Variants in RORA observed in about 807,000 individuals in gnomAD.
RORA encodes the protein nuclear receptor ROR-alpha.
In RORA, 7 loss-of-function variants were observed where a neutral mutation model predicts 69.5. That is an observed-to-expected ratio of 0.10 (90% CI 0.06 to 0.19). The LOEUF (loss-of-function observed/expected upper bound fraction) is 0.19, where lower values mean the gene tolerates loss of function less well. Ranked by LOEUF, RORA falls within the 10% of genes least tolerant of loss-of-function variation. RORA has a pLI of 1.00. For synonymous variants in RORA, 261 were observed against 240.8 expected, an observed-to-expected ratio of 1.08 and a Z score of -0.78; for missense variants, 457 against 663.0, an observed-to-expected ratio of 0.69 and a Z score of 3.41.
At chr15:60,659,128 T>C (rs79443567) in intron 2 of RORA, among the ~76,000 whole-genome samples, 163 of 152,268 alleles carry the variant, frequency 1.1e-3, no homozygotes, top group African/African-American at 3.8e-3. Flanking sequence ...AAAAGATAAT[T>C]TGGGGCCACA....
chr15:61,207,375 T>C (rs752580637), intron 1 of RORA, among the ~76,000 whole-genome samples: 8 of 152,200 alleles, frequency 5.3e-5, no homozygotes, highest in Admixed American at 6.5e-5. Flanking sequence ...ATTAACCACA[T>C]TTCCAGAGCT....
intron 1 of RORA, among the ~76,000 whole-genome samples, chr15:61,137,910 T>A (rs2079260478): frequency 6.6e-6 from 1 of 152,152 alleles, no homozygotes; most frequent in African/African-American, 2.4e-5. Context: ...GTAACAATCT[T>A]GAAAGAGAAA....
chr15:61,090,316 GT>G (rs2078686903), intron 1 of RORA, among the ~76,000 whole-genome samples: 1 of 152,146 alleles, frequency 6.6e-6, no homozygotes, highest in Non-Finnish European at 1.5e-5. Flanking sequence ...CCAGTTCTCA[GT>G]TTTATGATTC....
intron 3 of RORA, among the ~76,000 whole-genome samples, chr15:60,515,991 T>A (rs1488629659): frequency 0.045 from 367 of 8,104 alleles, 29 homozygotes; most frequent in Non-Finnish European, 0.067. Flanking sequence ...TTATATATAT[T>A]TATATATATT....
chr15:61,007,895 A>C (rs1894961891), intron 1 of RORA, among the ~76,000 whole-genome samples: 1 of 149,992 alleles, frequency 6.7e-6, no homozygotes, highest in African/African-American at 2.4e-5. Flanking sequence ...AGGATAATAG[A>C]AATTATCCTA....
chr15:61,039,037 G>A (rs1039038451), intron 1 of RORA: 4 of 152,186 alleles, frequency 2.6e-5, no homozygotes, highest in East Asian at 1.9e-4. Flanking sequence ...GGAGACTCAC[G>A]GGATATTTGT....
intron 2 of RORA, among the ~76,000 whole-genome samples, chr15:60,545,482 C>T (rs1567076123): frequency 6.6e-6 from 1 of 152,158 alleles, no homozygotes; most frequent in East Asian, 1.9e-4. Context: ...TTTGAGTTGT[C>T]AGTTAGGCTA....
At chr15:61,136,343 T>C (rs958604393) in intron 1 of RORA, among the ~76,000 whole-genome samples, 1 of 152,234 alleles carries the variant, frequency 6.6e-6, no homozygotes, top group Admixed American at 6.5e-5. Flanking sequence ...TATCCAGTTG[T>C]TACGTGTGAT....
At chr15:61,010,851 G>T (rs1399431384) in intron 1 of RORA, among the ~76,000 whole-genome samples, 1 of 152,044 alleles carries the variant, frequency 6.6e-6, no homozygotes, top group African/African-American at 2.4e-5. Flanking sequence ...ACTCCCTCAG[G>T]TTCTTCCCTC....
chr15:60,892,033 G>C (rs2073818091), intron 1 of RORA, among the ~76,000 whole-genome samples: 1 of 152,120 alleles, frequency 6.6e-6, no homozygotes, highest in Non-Finnish European at 1.5e-5. Flanking sequence ...TGGCTGTTTG[G>C]GGCAGGCGCT....
At chr15:61,055,611 G>C (rs986732232) in intron 1 of RORA, among the ~76,000 whole-genome samples, 2 of 152,170 alleles carry the variant, frequency 1.3e-5, no homozygotes, top group Non-Finnish European at 2.9e-5. Context: ...CAAAACGGAG[G>C]CTGCTTCAAA....
intron 1 of RORA, among the ~76,000 whole-genome samples, chr15:61,008,203 CTGTGTGTGTGTGTGTG>C (rs10581853): frequency 8.9e-5 from 12 of 135,056 alleles, no homozygotes; most frequent in Non-Finnish European, 1.8e-4. Flanking sequence ...CTCTCTCTCT[CTGTGTGTGTGTGTGTG>C]TGTGTGTGTG....
chr15:60,737,206 T>G (rs2071513050), intron 1 of RORA, among the ~76,000 whole-genome samples: 1 of 152,208 alleles, frequency 6.6e-6, no homozygotes, highest in African/African-American at 2.4e-5. Context: ...ATGTTGTCAC[T>G]GCTGTTGGAC....
At chr15:60,804,599 A>G (rs74017772) in intron 1 of RORA, among the ~76,000 whole-genome samples, 1 of 152,328 alleles carries the variant, frequency 6.6e-6, no homozygotes, top group African/African-American at 2.4e-5. Flanking sequence ...TGGCTAAGTG[A>G]GTTTGATTGC....
chr15:60,788,579 C>T (rs961529916), intron 1 of RORA, among the ~76,000 whole-genome samples: 8 of 152,300 alleles, frequency 5.3e-5, no homozygotes, highest in East Asian at 3.9e-4. Flanking sequence ...CAAATGCTGA[C>T]GCATGCATTT....
chr15:60,661,059 A>C (rs76399865), intron 2 of RORA, among the ~76,000 whole-genome samples: 7 of 109,206 alleles, frequency 6.4e-5, no homozygotes, highest in East Asian at 3.6e-4. Flanking sequence ...AAATTCTGGC[A>C]AAAAAAAAAA....
At chr15:61,047,598 TAAAACAAAAACA>T (rs3985702) in intron 1 of RORA, among the ~76,000 whole-genome samples, 1 of 151,470 alleles carries the variant, frequency 6.6e-6, no homozygotes, top group Non-Finnish European at 1.5e-5. Context: ...TCGAGAATGG[TAAAACAAAAACA>T]AAAACAAAAA....
chr15:60,867,120 C>T (rs1274536169), intron 1 of RORA, among the ~76,000 whole-genome samples: 1 of 152,140 alleles, frequency 6.6e-6, no homozygotes, highest in Non-Finnish European at 1.5e-5. Flanking sequence ...CCTGCCTAGA[C>T]CTCCCAAAGT....
chr15:60,677,507 C>A (rs1289413489), intron 2 of RORA, among the ~76,000 whole-genome samples: 2 of 151,802 alleles, frequency 1.3e-5, no homozygotes, highest in Admixed American at 6.6e-5. Flanking sequence ...GAGAGAGCCA[C>A]GTGGAGAGAC....
Sources: allele counts gnomAD v4.1 joint callset (sites outside exome capture counted in the v4.1 genomes callset), GRCh38; gene constraint gnomAD v4.1.1; transcripts MANE v1.5; gene names NCBI Gene and HGNC (gene_info 2026-07-23, HGNC 2026-07-21).